The following TECRL variants were observed in gnomAD, a reference collection of about 807,000 sequenced individuals.
TECRL encodes trans-2,3-enoyl-CoA reductase-like.
Under a neutral mutation model 52.8 loss-of-function variants are expected in TECRL, and 63 were observed. That is an observed-to-expected ratio of 1.19 (90% confidence interval 0.97 to 1.47). TECRL has a LOEUF of 1.47. Among genes scored for constraint, TECRL ranks in the 40% most tolerant of loss-of-function variants. The probability of loss-of-function intolerance (pLI) is 0.00; values close to 1 mark genes in which losing one functional copy is unlikely to be tolerated. For missense variants in TECRL, 482 were observed against 429.6 expected, an observed-to-expected ratio of 1.12 and a Z score of -1.08; for synonymous variants, 164 against 141.9, an observed-to-expected ratio of 1.16 and a Z score of -1.10.
At chr4:64,290,919 C>T (rs1577809648) in intron 8 of TECRL, among the ~76,000 whole-genome samples, 1 of 152,190 alleles carries the variant, frequency 6.6e-6, no homozygotes, top group South Asian at 2.1e-4. Flanking sequence ...TTTGTACCAA[C>T]ATAACTACAC....
chr4:64,406,975 T>G (rs1724772386), intron 1 of TECRL, among the ~76,000 whole-genome samples: 1 of 149,742 alleles, frequency 6.7e-6, no homozygotes, highest in Non-Finnish European at 1.5e-5. Flanking sequence ...ATCAGTCTTT[T>G]TTATGTTTAC....
chr4:64,306,325 G>A (rs1340875112), intron 6 of TECRL, among the ~76,000 whole-genome samples: 1 of 152,092 alleles, frequency 6.6e-6, no homozygotes, highest in African/African-American at 2.4e-5. Context: ...TAGCCGTTGT[G>A]TGGGACTTAG....
intron 3 of TECRL, among the ~76,000 whole-genome samples, chr4:64,324,121 C>T (rs10011095): frequency 0.091 from 13,823 of 151,934 alleles, 822 homozygotes; most frequent in South Asian, 0.19. Context: ...AGGAGCTACT[C>T]ATAAGATAGA....
intron 2 of TECRL, among the ~76,000 whole-genome samples, chr4:64,361,845 A>G (rs1372163592): frequency 6.6e-6 from 1 of 152,194 alleles, no homozygotes; most frequent in Non-Finnish European, 1.5e-5. Context: ...ACTCCCCAGC[A>G]ATAGTTCTTA....
intron 2 of TECRL, among the ~76,000 whole-genome samples, chr4:64,347,917 A>G (rs369940563): frequency 1.3e-5 from 2 of 152,268 alleles, no homozygotes; most frequent in Non-Finnish European, 1.5e-5. Context: ...TGGCATTTTG[A>G]CGACAACCAG....
chr4:64,294,483 T>C (rs1024976247), intron 8 of TECRL, among the ~76,000 whole-genome samples: 2 of 152,160 alleles, frequency 1.3e-5, no homozygotes, highest in Admixed American at 6.6e-5. Context: ...ATTTTCCTGT[T>C]ATAGCTAGAC....
chr4:64,281,991 T>A (rs938592343), intron 9 of TECRL, among the ~76,000 whole-genome samples: 2 of 151,842 alleles, frequency 1.3e-5, no homozygotes, highest in African/African-American at 4.8e-5. Context: ...ACCTCAAAAA[T>A]CCCTGTATTA....
At chr4:64,286,262 G>A (rs1723077073) in intron 9 of TECRL, among the ~76,000 whole-genome samples, 1 of 151,898 alleles carries the variant, frequency 6.6e-6, no homozygotes, top group African/African-American at 2.4e-5. Context: ...CAAAATAAGA[G>A]TTGATTGTAC....
chr4:64,283,124 T>C (rs1186135415), intron 9 of TECRL, among the ~76,000 whole-genome samples: 2 of 152,078 alleles, frequency 1.3e-5, no homozygotes, highest in Admixed American at 6.6e-5. Context: ...TGAAAATTGA[T>C]TAACTCAATT....
chr4:64,305,949 C>A (rs1724311486), intron 6 of TECRL, among the ~76,000 whole-genome samples: 1 of 152,166 alleles, frequency 6.6e-6, no homozygotes, highest in Non-Finnish European at 1.5e-5. Flanking sequence ...AAATGCTACT[C>A]TGCCTTACAC....
At chr4:64,384,031 A>G (rs942468632) in intron 1 of TECRL, among the ~76,000 whole-genome samples, 2 of 152,068 alleles carry the variant, frequency 1.3e-5, no homozygotes, top group African/African-American at 4.8e-5. Context: ...TCAGAGGCTT[A>G]GGCTGCACTT....
At chr4:64,292,218 A>C (rs1024445455) in intron 8 of TECRL, among the ~76,000 whole-genome samples, 1 of 152,036 alleles carries the variant, frequency 6.6e-6, no homozygotes, top group African/African-American at 2.4e-5. Context: ...TCAGCATGAC[A>C]TATATTTCTC....
At chr4:64,312,969 A>C (rs1717155377) in intron 5 of TECRL, among the ~76,000 whole-genome samples, 1 of 152,192 alleles carries the variant, frequency 6.6e-6, no homozygotes, top group Admixed American at 6.5e-5. Context: ...AATGTGAAGA[A>C]GTACCTTCCG....
intron 2 of TECRL, among the ~76,000 whole-genome samples, chr4:64,368,691 C>T (rs1721782534): frequency 6.6e-6 from 1 of 151,738 alleles, no homozygotes; most frequent in African/African-American, 2.4e-5. Flanking sequence ...AGTATTCTGC[C>T]ACTTTTTTCA....
intron 8 of TECRL, among the ~76,000 whole-genome samples, chr4:64,295,233 TA>T (rs1723612540): frequency 6.6e-6 from 1 of 151,380 alleles, no homozygotes; most frequent in South Asian, 2.1e-4. Context: ...TAAATAATGG[TA>T]AGACTCTAAA....
At chr4:64,297,620 G>C (rs1335139674) in intron 8 of TECRL, among the ~76,000 whole-genome samples, 2 of 151,050 alleles carry the variant, frequency 1.3e-5, no homozygotes, top group African/African-American at 4.8e-5. Context: ...CATTGGACTT[G>C]ACATATGCTG....
At chr4:64,394,467 G>T (rs1284367119) in intron 1 of TECRL, among the ~76,000 whole-genome samples, 1 of 152,140 alleles carries the variant, frequency 6.6e-6, no homozygotes, top group Admixed American at 6.6e-5. Flanking sequence ...AGAAAAGGCA[G>T]CCAAAGGTAC....
chr4:64,313,960 C>A (rs1717274385), intron 5 of TECRL, among the ~76,000 whole-genome samples: 1 of 135,702 alleles, frequency 7.4e-6, no homozygotes, highest in South Asian at 2.4e-4. Context: ...GGTGAAATCC[C>A]GTCTCCACTA....
At chr4:64,342,403 G>T (rs549083998) in intron 2 of TECRL, among the ~76,000 whole-genome samples, 11 of 150,368 alleles carry the variant, frequency 7.3e-5, no homozygotes, top group Admixed American at 2.7e-4. Context: ...TTTTTTAGAA[G>T]AAGACTTGGT....
Sources: allele counts gnomAD v4.1 joint callset (sites outside exome capture counted in the v4.1 genomes callset), GRCh38; gene constraint gnomAD v4.1.1; transcripts MANE v1.5; gene names NCBI Gene and HGNC (gene_info 2026-07-23, HGNC 2026-07-21).